Variants in SEZ6L2 observed in about 807,000 individuals in gnomAD.
The protein encoded by SEZ6L2 is seizure 6-like protein 2.
A neutral mutation model predicts 97.0 loss-of-function variants in SEZ6L2; 44 were observed. The ratio of observed to expected loss-of-function variants is 0.45; its 90% CI spans 0.36 to 0.58. The LOEUF is 0.58. SEZ6L2 is among the 20% of genes least tolerant of loss of function. SEZ6L2 has a pLI of 0.00. For synonymous variants in SEZ6L2, 543 were observed against 546.1 expected (o/e 0.99, Z 0.08); for missense variants, 1,086 against 1,233.3 (o/e 0.88, Z 1.79).
In SEZ6L2 at chr16:29,896,874, C is replaced by G. The variant is rs140412141; in HGVS notation, c.459G>C (p.Thr153=). 5.0e-6 allele frequency: 8 copies of G among 1,614,042 alleles called. No individual in the cohort carries two copies. The highest frequency in any genetic ancestry group is 4.4e-5 in the South Asian group (4 of 91,074). The change falls in exon 3 of 18, where the codon ACG becomes ACC. Residue 153 remains threonine, a synonymous_variant. Transcript: ENST00000617533. ...TTGTCGTGGTGATGATGGTGGTCGT[C>G]GTCTCCTCCTCTCCTCCCTCAGGCC... ...PLGPEGGEEE[T]TTTIITTTTV...
In SEZ6L2 at chr16:29,885,662, A is replaced by G. The variant is rs779127686; in HGVS notation, c.1296T>C (p.Ser432=). ...MDDVPERGLI[S]DAQSLYVELL... Reference sequence around the variant, plus strand: ...GCTCCACGTAGAGGGACTGGGCGTCACTGATGAGACCCCGCTCGGGGACAT... The same window carrying G: ...GCTCCACGTAGAGGGACTGGGCGTCGCTGATGAGACCCCGCTCGGGGACAT... Residue 432 remains serine (S), a synonymous_variant, in exon 8 of 18, where the codon AGT becomes AGC. Coordinates refer to ENST00000617533, the MANE Select transcript of SEZ6L2 (RefSeq NM_001243332.2). 5.0e-6 allele frequency: 8 copies of G among 1,613,968 alleles called. No homozygotes were observed. The Admixed American group carries it at 1.2e-4, about 24-fold the overall frequency.
At chr16:29,896,639 T>C (rs1333872953) in intron 3 of SEZ6L2, among the ~76,000 whole-genome samples, 183 bp downstream of exon 3, 2 of 152,176 alleles carry the variant, frequency 1.3e-5, no homozygotes, top group African/African-American at 4.8e-5. Flanking sequence ...AACTGTTATA[T>C]AGCTGAAACA....
rs1417839983 is a variant in SEZ6L2, at chr16:29,876,373, G to C, written c.2104+383C>G. ...GGGCGGGGCGTAGGACAGGAAGGTGGAGCCAAGTGTGGACCCGGGGAGCCC... is the reference window on the plus strand; with the variant it reads ...GGGCGGGGCGTAGGACAGGAAGGTGCAGCCAAGTGTGGACCCGGGGAGCCC... On this transcript the variant is annotated intron_variant, in intron 12 of 17. Transcript: ENST00000617533. The surrounding 1 kb of genome is among the most constrained non-coding windows in gnomAD (Gnocchi z 6.5). Among the ~76,000 whole-genome samples, 2 of 152,008 alleles carry C rather than the reference G, an allele frequency of 1.3e-5. No homozygotes were observed. Among genetic ancestry groups the C allele is most frequent in the Non-Finnish European group, 2.9e-5 (2 of 67,986 alleles).
chr16:29,897,768 T>C lies in SEZ6L2; in HGVS notation c.211+85A>G, dbSNP rs568199237. The C allele has an allele frequency of 7.6e-6, 11 of 1,448,452 alleles. No individual in the cohort carries two copies. The East Asian group carries it at 1.9e-4, about 25-fold the overall frequency. 89.7% of individuals were successfully genotyped at this position (1,448,452 alleles called of 1,614,324 possible). A position where few individuals can be genotyped will look rare whatever the true frequency, so the allele number is the denominator to read the frequency against. On this transcript the variant is annotated intron_variant, in intron 2 of 17. Coordinates refer to ENST00000617533, the MANE Select transcript of SEZ6L2 (RefSeq NM_001243332.2). ...TCCTCTGCAGTCTCTCTCTGCCTGC[T>C]CTTCTCTAGCCTGGCTCCCCATCTC...
chr16:29,871,370 A>C lies in SEZ6L2; in HGVS notation c.*329T>G. 2 of 440,624 alleles carry C rather than the reference A, an allele frequency of 4.5e-6. No individual in the cohort carries two copies. Among genetic ancestry groups the C allele is most frequent in the East Asian group, 4.3e-5 (1 of 23,206 alleles). 27.3% of individuals were successfully genotyped at this position (440,624 alleles called of 1,614,324 possible). A position where few individuals can be genotyped will look rare whatever the true frequency, so the allele number is the denominator to read the frequency against. The stretch of plus-strand genomic sequence containing the variant: ...TCGTGGCCAAGGGAACAGTAGAGCT[A>C]TCGGGGGCAGTCCTTGAGGGGTGCC... On this transcript the variant is annotated 3_prime_UTR_variant, in exon 18 of 18. Transcript: ENST00000617533.
chr16:29,878,536 AT>A, intron 9 of SEZ6L2, 111 bp from the exon 10 acceptor site: 1 of 741,084 alleles, frequency 1.3e-6, no homozygotes, highest in Non-Finnish European at 1.9e-6. Context: ...CTTGTTTCCT[AT>A]TACCTATGAT....
chr16:29,889,275 T>TA (rs1385821854), intron 5 of SEZ6L2, among the ~76,000 whole-genome samples: 1 of 152,002 alleles, frequency 6.6e-6, no homozygotes, highest in Non-Finnish European at 1.5e-5. Context: ...ACCCCGTCTC[T>TA]AAAAAATACG....
intron 3 of SEZ6L2, 62 bp from the exon 4 acceptor site, chr16:29,895,922 C>T: frequency 6.6e-7 from 1 of 1,519,604 alleles, no homozygotes; most frequent in Non-Finnish European, 8.9e-7. Flanking sequence ...CCCAGCCAAG[C>T]AACTCTGGCC....
intron 8 of SEZ6L2, 45 bp from the exon 9 acceptor site, chr16:29,880,109 CA>C (rs1324773057): frequency 6.3e-7 from 1 of 1,577,662 alleles, no homozygotes; most frequent in Middle Eastern, 1.7e-4. Context: ...GGACAGGCCT[CA>C]AGGGATCTTA....
In SEZ6L2 at chr16:29,887,720, G is replaced by C. The variant is rs759716926; in HGVS notation, c.1137C>G (p.Val379=). The part of the protein sequence containing the change: ...AVGPNLTCRW[V]IEAAEGRRLH... ...GCCGGCGCCCCTCAGCTGCTTCAAT[G>C]ACCCAACGGCAGGTGAGGTTGGGCC... The change falls in exon 7 of 18, where the codon GTC becomes GTG. Residue 379 remains valine (V), a synonymous_variant. Transcript: ENST00000617533. 9 of 1,612,558 alleles carry C rather than the reference G, an allele frequency of 5.6e-6. No homozygotes were observed. In the African/African-American group the frequency reaches 1.2e-4, roughly 22 times the overall value.
At position 29,895,853 on chromosome 16, in the gene SEZ6L2, A is replaced by G; in HGVS notation, c.519T>C (p.Cys173=). 1.9e-6 allele frequency: 3 copies of G among 1,612,030 alleles called. No individual in the cohort carries two copies. Among genetic ancestry groups the G allele is most frequent in the Non-Finnish European group, 1.7e-6 (2 of 1,179,062 alleles). Residue 173 remains cysteine (C), a synonymous_variant, in exon 4 of 18, where the codon TGT becomes TGC. Transcript: ENST00000617533. ...VTTTVTSPVL[C]NNNISEGEGY... ...CTTCGCCCTCGGAGATGTTGTTATT[A>G]CACAGAACTGAGGAGATACAAATGG...
Position 29,880,075 on chromosome 16 carries a change from G to C in SEZ6L2, c.1373-11C>G. On this transcript the variant is annotated splice_polypyrimidine_tract_variant and intron_variant, in intron 8 of 17. Transcript: ENST00000617533. ...GATCCTCCTCAAAGGCTGGGAAGGA[G>C]TCAGTCATAACAATTAAGCATTAGG... 2 of 1,613,288 alleles carry C rather than the reference G, an allele frequency of 1.2e-6. No individual in the cohort carries two copies. Among genetic ancestry groups the C allele is most frequent in the Non-Finnish European group, 1.7e-6 (2 of 1,179,524 alleles).
chr16:29,872,339 T>C (rs2150775678), intron 16 of SEZ6L2, 56 bp from the exon 17 acceptor site: 1 of 1,601,822 alleles, frequency 6.2e-7, no homozygotes, highest in East Asian at 2.2e-5. Context: ...TGAGCTCCCC[T>C]GACCCAGGCT....
intron 6 of SEZ6L2, among the ~76,000 whole-genome samples, 200 bp from the exon 7 acceptor site, chr16:29,888,017 G>A (rs564688585): frequency 3.3e-5 from 5 of 152,304 alleles, no homozygotes; most frequent in African/African-American, 7.2e-5. Context: ...GCCCCGGTAC[G>A]GGAGAACCCC....
At position 29,896,513 on chromosome 16, in the gene SEZ6L2, A is replaced by C. The variant is rs139380475; in HGVS notation, c.511+309T>G. On this transcript the variant is annotated intron_variant, in intron 3 of 17. Transcript: ENST00000617533. ...AGGCTGGTCTCGAACTCCCGACCTCAGGTGATCTGCCCGCCTGGCCTCCCA... is the reference window on the plus strand; with the variant it reads ...AGGCTGGTCTCGAACTCCCGACCTCCGGTGATCTGCCCGCCTGGCCTCCCA... Among the ~76,000 whole-genome samples, 1,508 of 152,218 alleles carry C rather than the reference A, an allele frequency of 9.9e-3. 28 individuals carry two copies. Among genetic ancestry groups the C allele is most frequent in the African/African-American group, 0.035 (1,437 of 41,546 alleles).
intron 8 of SEZ6L2, 79 bp downstream of exon 8, chr16:29,885,507 T>G: frequency 6.8e-7 from 1 of 1,466,888 alleles, no homozygotes. Context: ...GCATAGAGTT[T>G]GTGCTTCCGA....
At position 29,895,254 on chromosome 16, in the gene SEZ6L2, C is replaced by T; in HGVS notation, c.853+5G>A. On this transcript the variant is annotated splice_donor_5th_base_variant and intron_variant, in intron 5 of 17. Transcript: ENST00000617533. ...CCCTTCCAGCAGCACCCTCAAACTC[C>T]TCACCCTGATAGTGGATCCTGAAGC... is the stretch of plus-strand genomic sequence containing the variant. 6.2e-7 allele frequency: 1 copy of T among 1,612,558 alleles called. No individual in the cohort carries two copies. Among genetic ancestry groups the T allele is most frequent in the Non-Finnish European group, 8.5e-7 (1 of 1,179,018 alleles).
In SEZ6L2 at chr16:29,895,793, G is replaced by A. The variant is rs1328204325; in HGVS notation, c.579C>T (p.Val193=). The A allele has an allele frequency of 6.2e-7, 1 of 1,614,080 alleles. No homozygotes were observed. The highest frequency in any genetic ancestry group is 8.5e-7 in the Non-Finnish European group (1 of 1,179,956). Residue 193 remains valine (V), a synonymous_variant, in exon 4 of 18, where the codon GTC becomes GTT. Transcript: ENST00000617533. ...AGTCCAGGAGCCCCAGGGTGCGGCT[G>A]ACGGGGCTCCCCAGATCTGGAGACT... ...YVESPDLGSP[V]SRTLGLLDCT...
intron 7 of SEZ6L2, 62 bp from the exon 8 acceptor site, chr16:29,885,811 C>G: frequency 6.6e-7 from 1 of 1,521,268 alleles, no homozygotes; most frequent in Non-Finnish European, 8.9e-7. Context: ...TCACCCCTTG[C>G]CTGCTTTCCT....
Sources: gnomAD v4.1 joint callset for allele counts (sites outside exome capture counted in the v4.1 genomes callset) on GRCh38, gnomAD v4.1.1 for gene constraint, Gnocchi (gnomAD v3.1) non-coding constraint, MANE v1.5 for transcripts, NCBI Gene and HGNC (gene_info 2026-07-23, HGNC 2026-07-21) for gene names.